Variants in PRDM10 observed in about 807,000 individuals in gnomAD.
PRDM10 encodes PR/SET domain 10.
In PRDM10, 65 loss-of-function variants were observed where a neutral mutation model predicts 133.1. The observed-to-expected ratio is 0.49, with a 90% CI of 0.40 to 0.60. PRDM10 has a LOEUF of 0.60. PRDM10 is among the 20% of genes least tolerant of loss of function. PRDM10 has a pLI of 0.00. For synonymous variants in PRDM10, 582 were observed against 580.4 expected (o/e 1.00, Z -0.04); for missense variants, 1,137 against 1,507.1 (o/e 0.75, Z 4.07).
At chr11:129,995,373 C>G (rs1396772641) in intron 1 of PRDM10, among the ~76,000 whole-genome samples, 2 of 152,212 alleles carry the variant, frequency 1.3e-5, no homozygotes, top group African/African-American at 4.8e-5. Flanking sequence ...ACTTTCTCTC[C>G]TTTGCAAAAT....
intron 1 of PRDM10, among the ~76,000 whole-genome samples, chr11:130,001,254 G>A (rs907204067): frequency 7.2e-5 from 11 of 152,154 alleles, no homozygotes; most frequent in Non-Finnish European, 1.2e-4. Flanking sequence ...CATCAAAGTG[G>A]AAGCTATTGT....
At chr11:129,904,338 A>G (rs773818090) in intron 20 of PRDM10, among the ~76,000 whole-genome samples, 1 of 152,138 alleles carries the variant, frequency 6.6e-6, no homozygotes, top group Non-Finnish European at 1.5e-5. Context: ...TAAACAAATC[A>G]ACCTGATTAA....
intron 15 of PRDM10, among the ~76,000 whole-genome samples, chr11:129,916,350 T>C (rs929500517): frequency 6.6e-6 from 1 of 152,220 alleles, no homozygotes; most frequent in East Asian, 1.9e-4. Flanking sequence ...ATAGCTACAT[T>C]ATATAAGGAA....
intron 17 of PRDM10, among the ~76,000 whole-genome samples, chr11:129,913,759 T>C (rs1399649076): frequency 6.6e-6 from 1 of 152,192 alleles, no homozygotes; most frequent in Non-Finnish European, 1.5e-5. Flanking sequence ...TCAACGACAG[T>C]GGCAACTTCC....
At chr11:129,986,656 G>C (rs1409595026) in intron 1 of PRDM10, among the ~76,000 whole-genome samples, 1 of 152,138 alleles carries the variant, frequency 6.6e-6, no homozygotes, top group Non-Finnish European at 1.5e-5. Context: ...CCCAAAGTGC[G>C]TGAGCCACTG....
intron 13 of PRDM10, among the ~76,000 whole-genome samples, chr11:129,920,829 G>A (rs533259807): frequency 5.9e-5 from 9 of 151,944 alleles, no homozygotes; most frequent in Admixed American, 5.2e-4. Context: ...ATGGAGTCTC[G>A]CTCTGTCACC....
Position 129,963,382 on chromosome 11 carries a change from GAGAGAAGAGA to G in PRDM10, c.-118-2310_-118-2301del, listed in dbSNP as rs200446357. ...AGAGAGACCCTGCTGAAAGAAAAAA[GAGAGAAGAGA>G]AGAGAAGAGAAGAGAAGAGAAGAGA... On this transcript the variant is annotated intron_variant, in intron 1 of 20. Coordinates refer to ENST00000360871, the MANE Select transcript of PRDM10 (RefSeq NM_199437.2). 9.4e-3 allele frequency among the ~76,000 whole-genome samples: 703 copies of G among 74,618 alleles called. 8 individuals are homozygous for G. The highest frequency in any genetic ancestry group is 0.049 in the South Asian group (99 of 2,012). The allele number at this position is 74,618 out of a possible 152,430, so 49.0% of individuals were successfully genotyped here.
chr11:129,925,723 C>CAAACA (rs1555105421), intron 11 of PRDM10, among the ~76,000 whole-genome samples: 3 of 151,584 alleles, frequency 2.0e-5, no homozygotes, highest in East Asian at 3.9e-4. Flanking sequence ...AACAAACAAA[C>CAAACA]AAAAAAACAA....
intron 11 of PRDM10, among the ~76,000 whole-genome samples, chr11:129,927,565 T>C (rs1950722286): frequency 1.3e-5 from 2 of 152,138 alleles, no homozygotes; most frequent in African/African-American, 4.8e-5. Flanking sequence ...ATTATGCTAA[T>C]CAGTCTTCTG....
At chr11:129,966,704 GTGT>G (rs1157057154) in intron 1 of PRDM10, among the ~76,000 whole-genome samples, 2 of 152,224 alleles carry the variant, frequency 1.3e-5, no homozygotes, top group Non-Finnish European at 2.9e-5. Context: ...GCTGCATGAT[GTGT>G]TGTTATTACT....
chr11:129,985,780 CAAAAAAAAAAAAAAAAAA>C (rs1159728991), intron 1 of PRDM10, among the ~76,000 whole-genome samples: 14 of 26,756 alleles, frequency 5.2e-4, no homozygotes, highest in East Asian at 3.5e-3. Context: ...AAACCCTGTC[CAAAAAAAAAAAAAAAAAA>C]AAAAAAAAAA....
chr11:129,992,915 G>A (rs1938830839), intron 1 of PRDM10, among the ~76,000 whole-genome samples: 1 of 152,188 alleles, frequency 6.6e-6, no homozygotes, highest in Admixed American at 6.5e-5. Context: ...CAGCAGTCCT[G>A]AAATAGTAAT....
chr11:129,918,764 A>T lies in PRDM10; in HGVS notation c.2035-46T>A. The T allele has an allele frequency of 6.6e-7, 1 of 1,514,460 alleles. No homozygotes were observed. The highest frequency in any genetic ancestry group is 9.0e-7 in the Non-Finnish European group (1 of 1,112,534). The allele number at this position is 1,514,460 out of a possible 1,614,324, so 93.8% of individuals were successfully genotyped here. ...AAAACGGGGTAGACACGGGGGTAGAAAATTTTTAACTGAAGGGATCATTTT... is the reference window on the plus strand; with the variant it reads ...AAAACGGGGTAGACACGGGGGTAGATAATTTTTAACTGAAGGGATCATTTT... On this transcript the variant is annotated intron_variant, in intron 13 of 20. Coordinates refer to ENST00000360871, the MANE Select transcript of PRDM10 (RefSeq NM_199437.2). The surrounding 1 kb of genome is among the most constrained non-coding windows in gnomAD (Gnocchi z 5.3).
At chr11:129,966,916 G>A (rs1951918444) in intron 1 of PRDM10, among the ~76,000 whole-genome samples, 1 of 152,144 alleles carries the variant, frequency 6.6e-6, no homozygotes, top group East Asian at 1.9e-4. Context: ...AGAACTCCGA[G>A]TCCAAAAAGA....
chr11:129,940,718 T>C (rs1229022572), intron 7 of PRDM10, among the ~76,000 whole-genome samples: 1 of 152,244 alleles, frequency 6.6e-6, no homozygotes, highest in Non-Finnish European at 1.5e-5. Flanking sequence ...AACTTTTTTT[T>C]ACTATTTGTT....
At chr11:129,960,845 G>A in intron 2 of PRDM10, 51 bp downstream of exon 2, 3 of 1,581,580 alleles carry the variant, frequency 1.9e-6, no homozygotes, top group Non-Finnish European at 2.6e-6. Context: ...TCAGCAAACT[G>A]AGTCCAGCTG....
At chr11:129,912,346 T>C in intron 17 of PRDM10, 121 bp from the exon 18 acceptor site, 1 of 1,123,474 alleles carries the variant, frequency 8.9e-7, no homozygotes, top group East Asian at 3.0e-5. Flanking sequence ...GGCTCATGCC[T>C]ATAAACCCAG....
In PRDM10 at chr11:129,935,083, T is replaced by G; in HGVS notation, c.1157+18A>C. 6.3e-7 allele frequency: 1 copy of G among 1,581,326 alleles called. No homozygotes were observed. The highest frequency in any genetic ancestry group is 8.7e-7 in the Non-Finnish European group (1 of 1,150,530). ...CCTTTATGAACTCAGTCTGTGAGCA[T>G]TTCTCCCTCATACATACCTGCTAAA... On this transcript the variant is annotated intron_variant, in intron 9 of 20. Coordinates refer to ENST00000360871, the MANE Select transcript of PRDM10 (RefSeq NM_199437.2).
intron 1 of PRDM10, among the ~76,000 whole-genome samples, chr11:129,982,526 G>A (rs1221646597): frequency 5.9e-5 from 9 of 152,108 alleles, no homozygotes. Flanking sequence ...ATGTCTTAGG[G>A]AAGAGTCACC....
Sources: gnomAD v4.1 joint callset for allele counts (sites outside exome capture counted in the v4.1 genomes callset) on GRCh38, gnomAD v4.1.1 for gene constraint, Gnocchi (gnomAD v3.1) non-coding constraint, MANE v1.5 for transcripts, NCBI Gene and HGNC (gene_info 2026-07-23, HGNC 2026-07-21) for gene names.